Variants in CIROZ observed in about 807,000 individuals in gnomAD.
CIROZ encodes ciliated left-right organizer protein containing ZP-N domains.
chr1:10,977,572 C>T, the CIROZ span, among the ~76,000 whole-genome samples: 16 of 152,248 alleles, frequency 1.1e-4, no homozygotes, highest in East Asian at 2.5e-3. Flanking sequence ...GAGGTTACAA[C>T]CAGTTCAAAG....
the CIROZ span, chr1:10,957,169 C>T: frequency 1.5e-6 from 2 of 1,354,810 alleles, no homozygotes; most frequent in South Asian, 1.4e-5. Context: ...ATGCAGACTC[C>T]CTCCACAGGG....
chr1:10,956,084 G>C, the CIROZ span, among the ~76,000 whole-genome samples: 1 of 152,076 alleles, frequency 6.6e-6, no homozygotes, highest in Non-Finnish European at 1.5e-5. Context: ...CCCTGATCCC[G>C]AAACTCAGTC....
the CIROZ span, among the ~76,000 whole-genome samples, chr1:10,967,400 C>T: frequency 6.6e-6 from 1 of 152,158 alleles, no homozygotes; most frequent in Non-Finnish European, 1.5e-5. Context: ...GGCTGACTCC[C>T]CTGCCTCCTT....
At chr1:10,964,854 C>T in the CIROZ span, among the ~76,000 whole-genome samples, 2 of 152,230 alleles carry the variant, frequency 1.3e-5, no homozygotes, top group African/African-American at 4.8e-5. Context: ...TGGTGTTGAA[C>T]TCCTGGCCTC....
the CIROZ span, among the ~76,000 whole-genome samples, chr1:10,952,182 A>G: frequency 2.0e-5 from 3 of 152,136 alleles, no homozygotes; most frequent in African/African-American, 4.8e-5. Flanking sequence ...CATAACTATA[A>G]TAAGAATAGA....
the CIROZ span, among the ~76,000 whole-genome samples, chr1:10,962,446 C>CA: frequency 6.6e-6 from 1 of 151,998 alleles, no homozygotes; most frequent in African/African-American, 2.4e-5. Flanking sequence ...GACTGCATCT[C>CA]AAAAAAATAA....
At chr1:10,955,271 G>A in the CIROZ span, 11 of 1,305,692 alleles carry the variant, frequency 8.4e-6, no homozygotes, top group Middle Eastern at 2.2e-4. Flanking sequence ...CCTTTGCCAG[G>A]GGCCACACCT....
the CIROZ span, among the ~76,000 whole-genome samples, chr1:10,951,745 A>AAAAAAAAAATATATAT: frequency 5.4e-4 from 64 of 119,158 alleles, no homozygotes; most frequent in African/African-American, 2.1e-3. Flanking sequence ...AAAAAAAAAA[A>AAAAAAAAAATATATAT]ATATATATAT....
the CIROZ span, chr1:10,947,798 G>A: frequency 1.2e-6 from 2 of 1,600,182 alleles, no homozygotes; most frequent in South Asian, 2.2e-5. Flanking sequence ...CCTGGAAGGG[G>A]TATTCAAGCT....
the CIROZ span, among the ~76,000 whole-genome samples, chr1:10,953,732 G>A: frequency 6.6e-6 from 1 of 152,174 alleles, no homozygotes; most frequent in African/African-American, 2.4e-5. Flanking sequence ...CACTGAGGTT[G>A]TACGGTTGGT....
the CIROZ span, among the ~76,000 whole-genome samples, chr1:10,965,902 A>G: frequency 6.6e-6 from 1 of 152,102 alleles, no homozygotes; most frequent in Non-Finnish European, 1.5e-5. Flanking sequence ...GTGAGCCCAT[A>G]ATGGGCCTGT....
the CIROZ span, chr1:10,949,907 A>G: frequency 5.9e-6 from 7 of 1,196,318 alleles, no homozygotes; most frequent in East Asian, 1.8e-4. Flanking sequence ...CCCCTTTTCC[A>G]CAGGTGGGGA....
the CIROZ span, chr1:10,955,307 G>C: frequency 2.4e-6 from 2 of 845,986 alleles, no homozygotes; most frequent in South Asian, 4.5e-5. Context: ...CACTTCCCCA[G>C]TCAGTGACAG....
chr1:10,979,802 C>G, the CIROZ span, among the ~76,000 whole-genome samples: 2 of 152,200 alleles, frequency 1.3e-5, no homozygotes, highest in African/African-American at 2.4e-5. Flanking sequence ...AATCCCAGCA[C>G]TTTGGGAAGC....
the CIROZ span, chr1:10,964,231 C>G: frequency 3.7e-6 from 6 of 1,614,178 alleles, no homozygotes; most frequent in South Asian, 6.6e-5. Flanking sequence ...CCCCATCACC[C>G]CTTTCTGAAA....
At chr1:10,978,471 G>A in the CIROZ span, among the ~76,000 whole-genome samples, 2 of 151,686 alleles carry the variant, frequency 1.3e-5, no homozygotes, top group South Asian at 4.2e-4. Context: ...CACTTTGGGA[G>A]ACTGAGGCAG....
chr1:10,947,051 C>T, the CIROZ span, among the ~76,000 whole-genome samples: 5 of 152,234 alleles, frequency 3.3e-5, no homozygotes, highest in Non-Finnish European at 2.9e-5. Flanking sequence ...TCCGGCTCCA[C>T]GCCAAATGCT....
chr1:10,952,665 G>A, the CIROZ span, among the ~76,000 whole-genome samples: 15 of 152,276 alleles, frequency 9.9e-5, 3 homozygotes, highest in Admixed American at 7.2e-4. Flanking sequence ...AAGTAGCTGC[G>A]ATTACAGATT....
At chr1:10,965,626 G>A in the CIROZ span, among the ~76,000 whole-genome samples, 7 of 152,016 alleles carry the variant, frequency 4.6e-5, no homozygotes, top group Non-Finnish European at 7.4e-5. Flanking sequence ...TCTGGGGGCC[G>A]AGGTGGGTGG....
Sources: gnomAD v4.1 joint callset for allele counts (sites outside exome capture counted in the v4.1 genomes callset) on GRCh38, gnomAD v4.1.1 for gene constraint, MANE v1.5 for transcripts, NCBI Gene and HGNC (gene_info 2026-07-23, HGNC 2026-07-21) for gene names.